IGSF11: variants seen among roughly 807,000 people sequenced by gnomAD.
IGSF11 encodes the protein immunoglobulin superfamily member 11.
A neutral mutation model predicts 41.0 loss-of-function variants in IGSF11; 22 were observed. The ratio of observed to expected loss-of-function variants is 0.54; its 90% CI spans 0.38 to 0.77. The LOEUF (loss-of-function observed/expected upper bound fraction) is 0.77. Ranked by LOEUF, IGSF11 falls within the 30% of genes least tolerant of loss-of-function variation. The probability of loss-of-function intolerance (pLI) is 0.00; values close to 1 mark genes in which losing one functional copy is unlikely to be tolerated. For synonymous variants in IGSF11, 219 were observed against 201.3 expected, an observed-to-expected ratio of 1.09 and a Z score of -0.74; for missense variants, 444 against 530.8, an observed-to-expected ratio of 0.84 and a Z score of 1.61.
At chr3:119,007,284 C>G (rs1012177399) in intron 1 of IGSF11, among the ~76,000 whole-genome samples, 1 of 139,654 alleles carries the variant, frequency 7.2e-6, no homozygotes, top group Non-Finnish European at 1.5e-5. Context: ...TGACCCCTTG[C>G]GCTTCCCAGG....
chr3:119,039,617 C>CTGGA (rs113435283), upstream of IGSF11, among the ~76,000 whole-genome samples: 2 of 152,290 alleles, frequency 1.3e-5, no homozygotes, highest in African/African-American at 4.8e-5. Context: ...CAAGACCCTA[C>CTGGA]TGGATCTAGT....
chr3:119,111,785 C>G (rs1325023105), intron 1 of IGSF11, among the ~76,000 whole-genome samples: 4 of 152,120 alleles, frequency 2.6e-5, no homozygotes, highest in Non-Finnish European at 5.9e-5. Flanking sequence ...GATGTTCTTT[C>G]TGTTTGTTAG....
intron 1 of IGSF11, among the ~76,000 whole-genome samples, chr3:119,063,786 C>T (rs970571934): frequency 1.3e-5 from 2 of 152,104 alleles, no homozygotes; most frequent in Admixed American, 6.5e-5. Flanking sequence ...ATGTTCCAAC[C>T]CTAGCAAGAA....
At chr3:119,001,332 A>T (rs567737238) in intron 1 of IGSF11, among the ~76,000 whole-genome samples, 33 of 151,816 alleles carry the variant, frequency 2.2e-4, no homozygotes, top group African/African-American at 8.0e-4. Flanking sequence ...TGTAAATTCC[A>T]CATGGGCAGG....
intron 1 of IGSF11, among the ~76,000 whole-genome samples, chr3:118,935,509 G>C (rs747013421): frequency 3.2e-4 from 48 of 151,258 alleles, no homozygotes; most frequent in Non-Finnish European, 5.8e-4. Flanking sequence ...TGAAGAATTT[G>C]CACAAGGAAG....
chr3:118,913,134 C>T (rs1455237062), intron 4 of IGSF11, among the ~76,000 whole-genome samples: 1 of 149,412 alleles, frequency 6.7e-6, no homozygotes, highest in African/African-American at 2.5e-5. Flanking sequence ...GAATGCCACA[C>T]AGAAAGGTAA....
intron 1 of IGSF11, among the ~76,000 whole-genome samples, chr3:119,110,259 T>C (rs922439018): frequency 1.3e-5 from 2 of 152,116 alleles, no homozygotes; most frequent in African/African-American, 4.8e-5. Flanking sequence ...ACTTGCTTTA[T>C]GAATCTGGGT....
intron 1 of IGSF11, among the ~76,000 whole-genome samples, chr3:118,942,778 T>C (rs893213374): frequency 6.6e-5 from 10 of 152,220 alleles, no homozygotes; most frequent in Non-Finnish European, 7.3e-5. Context: ...TCTTGTCGGC[T>C]TTGCAGGGTG....
At chr3:119,121,516 C>A (rs2077332849) in intron 1 of IGSF11, among the ~76,000 whole-genome samples, 1 of 151,856 alleles carries the variant, frequency 6.6e-6, no homozygotes, top group Non-Finnish European at 1.5e-5. Context: ...ATCATTCAGT[C>A]TGAGGAGAAG....
intron 1 of IGSF11, among the ~76,000 whole-genome samples, chr3:119,047,449 A>C (rs929342225): frequency 3.3e-5 from 5 of 152,218 alleles, no homozygotes; most frequent in Non-Finnish European, 5.9e-5. Context: ...AGAGCTAACT[A>C]TCCTAAATAT....
intron 6 of IGSF11, 79 bp downstream of exon 6, chr3:118,904,569 G>T: frequency 9.7e-7 from 1 of 1,030,314 alleles, no homozygotes; most frequent in Non-Finnish European, 1.5e-6. Flanking sequence ...ATGATTAGTA[G>T]ATATATCTTA....
intron 1 of IGSF11, among the ~76,000 whole-genome samples, chr3:119,005,407 C>T (rs1390236199): frequency 6.6e-6 from 1 of 151,124 alleles, no homozygotes; most frequent in Non-Finnish European, 1.5e-5. Context: ...TGGGTCTTGA[C>T]TCTTTATCCA....
chr3:118,962,866 A>G (rs1945434824), intron 1 of IGSF11, among the ~76,000 whole-genome samples: 2 of 152,206 alleles, frequency 1.3e-5, no homozygotes, highest in Admixed American at 1.3e-4. Context: ...GGAGGAAAAC[A>G]GTAATTACAG....
intron 1 of IGSF11, among the ~76,000 whole-genome samples, chr3:118,958,699 A>G (rs9860140): frequency 0.079 from 12,030 of 152,256 alleles, 682 homozygotes; most frequent in Admixed American, 0.16. Context: ...GTGAGTAAAA[A>G]GCTGATATAA....
chr3:118,963,387 C>T lies in IGSF11; in HGVS notation c.53-33112G>A, dbSNP rs1291245711. Among the ~76,000 whole-genome samples, 3 of 152,130 alleles carry T rather than the reference C, an allele frequency of 2.0e-5. No individual in the cohort carries two copies. The East Asian group carries it at 5.8e-4, about 29-fold the overall frequency. ...TGATTACTAAAATCAATGCAGAAGT[C>T]AGCAATTACATGATAAACATGCAAT... On this transcript the variant is annotated intron_variant, in intron 1 of 6. Coordinates refer to ENST00000393775, the MANE Select transcript of IGSF11 (RefSeq NM_001015887.3).
intron 1 of IGSF11, among the ~76,000 whole-genome samples, chr3:119,017,776 CTTTTTTTTTT>C (rs567222914): frequency 2.0e-5 from 2 of 100,258 alleles, no homozygotes; most frequent in East Asian, 5.7e-4. Flanking sequence ...GTTTGTTTTA[CTTTTTTTTTT>C]TTTTTTTTTT....
chr3:118,952,462 G>A (rs1944645163), intron 1 of IGSF11, among the ~76,000 whole-genome samples: 1 of 152,066 alleles, frequency 6.6e-6, no homozygotes, highest in Non-Finnish European at 1.5e-5. Context: ...TAAATCCTTT[G>A]TTGTCAGTTC....
intron 1 of IGSF11, among the ~76,000 whole-genome samples, chr3:118,961,953 G>T (rs1945365886): frequency 6.6e-6 from 1 of 152,114 alleles, no homozygotes; most frequent in Non-Finnish European, 1.5e-5. Context: ...AATAAATGTG[G>T]TATGCCCCAT....
chr3:119,000,158 C>T (rs368162891), intron 1 of IGSF11, among the ~76,000 whole-genome samples: 66 of 142,380 alleles, frequency 4.6e-4, no homozygotes, highest in African/African-American at 1.8e-3. Flanking sequence ...TCTGGCTGCT[C>T]TTCTCAATCT....
Sources: gnomAD v4.1 joint callset for allele counts (sites outside exome capture counted in the v4.1 genomes callset) on GRCh38, gnomAD v4.1.1 for gene constraint, MANE v1.5 for transcripts, NCBI Gene and HGNC (gene_info 2026-07-23, HGNC 2026-07-21) for gene names.